Variants in CAST observed in about 807,000 individuals in gnomAD.
CAST encodes calpastatin, also known as MIR583 host.
Under a neutral mutation model 119.6 loss-of-function variants are expected in CAST, and 76 were observed. That is an observed-to-expected ratio of 0.64 (90% CI 0.53 to 0.77). The LOEUF is 0.77. CAST is among the 30% of genes least tolerant of loss of function. The pLI is 0.00. For synonymous variants in CAST, 319 were observed against 331.6 expected, an observed-to-expected ratio of 0.96 and a Z score of 0.41; for missense variants, 953 against 946.5, an observed-to-expected ratio of 1.01 and a Z score of -0.09.
chr5:96,016,988 C>T, the CAST span, among the ~76,000 whole-genome samples: 1 of 152,044 alleles, frequency 6.6e-6, no homozygotes, highest in Non-Finnish European at 1.5e-5. Context: ...AGGCGCCTGC[C>T]ACCACGCACA....
intron 1 of CAST, among the ~76,000 whole-genome samples, chr5:96,637,838 A>T (rs1747904044): frequency 2.0e-5 from 3 of 152,212 alleles, no homozygotes; most frequent in African/African-American, 7.2e-5. Context: ...TATTTTGTCT[A>T]TCTAAATAAA....
chr5:96,261,268 T>A, the CAST span, among the ~76,000 whole-genome samples: 13 of 152,334 alleles, frequency 8.5e-5, no homozygotes, highest in South Asian at 2.7e-3. Context: ...CAGGTCTATG[T>A]AAACCTACTC....
intron 1 of CAST, among the ~76,000 whole-genome samples, chr5:96,644,041 G>T (rs1172544376): frequency 6.6e-6 from 1 of 150,386 alleles, no homozygotes; most frequent in Non-Finnish European, 1.5e-5. Context: ...ACGAGGTTCC[G>T]TCTCAAAAAC....
chr5:96,403,264 CTTTT>C, the CAST span, among the ~76,000 whole-genome samples: 3 of 152,006 alleles, frequency 2.0e-5, no homozygotes, highest in African/African-American at 7.2e-5. Context: ...ACCTATTTTT[CTTTT>C]TTTATTATTA....
chr5:96,027,830 C>T, the CAST span, among the ~76,000 whole-genome samples: 4 of 152,134 alleles, frequency 2.6e-5, no homozygotes, highest in East Asian at 7.7e-4. Flanking sequence ...AAAAAAGAGA[C>T]TCAAATTTAT....
At chr5:96,487,204 A>G in the CAST span, among the ~76,000 whole-genome samples, 8 of 152,186 alleles carry the variant, frequency 5.3e-5, no homozygotes, top group Non-Finnish European at 8.8e-5. Flanking sequence ...ACCCACCACC[A>G]GAATGTCCAT....
At chr5:96,375,905 A>C in the CAST span, among the ~76,000 whole-genome samples, 29 of 147,414 alleles carry the variant, frequency 2.0e-4, no homozygotes, top group East Asian at 3.9e-4. Context: ...CTCTCTATAT[A>C]TATATATAAA....
chr5:96,194,811 G>A, the CAST span, among the ~76,000 whole-genome samples: 2 of 152,166 alleles, frequency 1.3e-5, no homozygotes, highest in Non-Finnish European at 2.9e-5. Context: ...GCATTTGAGG[G>A]CCACAGTGTA....
At chr5:96,446,780 C>T in the CAST span, among the ~76,000 whole-genome samples, 1 of 152,062 alleles carries the variant, frequency 6.6e-6, no homozygotes, top group African/African-American at 2.4e-5. Context: ...AGTCAGGCTG[C>T]CGTATCCTAG....
intron 1 of CAST, among the ~76,000 whole-genome samples, chr5:96,668,265 A>AC (rs758286329): frequency 1.1e-4 from 16 of 152,116 alleles, no homozygotes; most frequent in Non-Finnish European, 2.2e-4. Context: ...GAATTCTTTA[A>AC]CCCCCATGTA....
chr5:96,429,365 A>G, the CAST span: 7 of 1,015,842 alleles, frequency 6.9e-6, no homozygotes, highest in South Asian at 1.3e-5. Flanking sequence ...CCAAACAAGT[A>G]TATATGGACT....
At chr5:96,529,954 A>G in intron 1 of CAST, 2 of 305,390 alleles carry the variant, frequency 6.5e-6, no homozygotes, top group South Asian at 5.3e-5. Context: ...GTGAGAATGG[A>G]AGAATACAGC....
At chr5:96,223,732 G>C in the CAST span, among the ~76,000 whole-genome samples, 1 of 152,196 alleles carries the variant, frequency 6.6e-6, no homozygotes, top group Non-Finnish European at 1.5e-5. Context: ...GGGTGGTATT[G>C]ACCCTGCTTC....
chr5:96,565,723 A>G (rs1344125669), intron 1 of CAST, among the ~76,000 whole-genome samples: 1 of 152,128 alleles, frequency 6.6e-6, no homozygotes, highest in African/African-American at 2.4e-5. Context: ...CAGGCTAGAG[A>G]ACGTATAGGA....
chr5:96,406,891 A>T, the CAST span, among the ~76,000 whole-genome samples: 48 of 152,346 alleles, frequency 3.2e-4, no homozygotes, highest in Non-Finnish European at 6.6e-4. Context: ...ACCACACATC[A>T]GAAAGCAGGA....
the CAST span, among the ~76,000 whole-genome samples, chr5:96,089,225 A>G: frequency 7.3e-6 from 1 of 136,662 alleles, no homozygotes; most frequent in African/African-American, 2.7e-5. Flanking sequence ...GTTTTGTAAC[A>G]GTGGAGGAAG....
At chr5:96,739,445 A>G (rs940383891) in intron 11 of CAST, among the ~76,000 whole-genome samples, 3 of 152,262 alleles carry the variant, frequency 2.0e-5, no homozygotes, top group African/African-American at 2.4e-5. Flanking sequence ...TGAATAAAAA[A>G]TGCAGAATGA....
the CAST span, among the ~76,000 whole-genome samples, chr5:96,077,624 C>G: frequency 2.6e-5 from 4 of 152,110 alleles, no homozygotes; most frequent in Admixed American, 1.3e-4. Flanking sequence ...TAAGTTCTCC[C>G]TCTATTAGTT....
the CAST span, among the ~76,000 whole-genome samples, chr5:96,420,737 AAGGGAGGGAGGG>A: frequency 8.0e-4 from 110 of 138,328 alleles, no homozygotes; most frequent in African/African-American, 2.8e-3. Context: ...GAGAATAAGG[AAGGGAGGGAGGG>A]AGGGAGGGAG....
Sources: gnomAD v4.1 joint callset for allele counts (sites outside exome capture counted in the v4.1 genomes callset) on GRCh38, gnomAD v4.1.1 for gene constraint, MANE v1.5 for transcripts, NCBI Gene and HGNC (gene_info 2026-07-23, HGNC 2026-07-21) for gene names.